Variants in CDKN2B-AS1 observed in about 807,000 individuals in gnomAD.
The protein encoded by CDKN2B-AS1 is CDKN2B antisense RNA 1 (non-protein coding).
At chr9:22,018,568 A>C (rs1194077693) in intron 1 of CDKN2B-AS1, among the ~76,000 whole-genome samples, 12 of 152,160 alleles carry the variant, frequency 7.9e-5, no homozygotes, top group Admixed American at 7.2e-4. Flanking sequence ...GAGGGAGGAG[A>C]ATCGCTTGAA....
intron 4 of CDKN2B-AS1, chr9:22,063,796 G>A (rs1208695630): frequency 4.6e-5 from 7 of 152,424 alleles, no homozygotes; most frequent in African/African-American, 1.7e-4. Flanking sequence ...AGAGTTTGGA[G>A]AGCAGACGTG....
At chr9:22,102,059 G>A (rs529884889) in intron 4 of CDKN2B-AS1, among the ~76,000 whole-genome samples, 1 of 152,238 alleles carries the variant, frequency 6.6e-6, no homozygotes, top group Non-Finnish European at 1.5e-5. Flanking sequence ...TGCCTGTTTG[G>A]TTTTTAAACC....
chr9:22,058,392 G>T (rs1226275148), intron 4 of CDKN2B-AS1: 1 of 152,104 alleles, frequency 6.6e-6, no homozygotes, highest in East Asian at 1.9e-4. Flanking sequence ...GATATCCAAA[G>T]CATGAAGGAC....
At chr9:22,078,883 C>A (rs1425446205) in intron 4 of CDKN2B-AS1, among the ~76,000 whole-genome samples, 1 of 152,160 alleles carries the variant, frequency 6.6e-6, no homozygotes, top group East Asian at 1.9e-4. Flanking sequence ...CATGTATGAT[C>A]TTCTTTTGGG....
chr9:22,072,707 T>C (rs180800062), intron 4 of CDKN2B-AS1, among the ~76,000 whole-genome samples: 1 of 152,296 alleles, frequency 6.6e-6, no homozygotes, highest in Admixed American at 6.5e-5. Context: ...AGAAGCAAAA[T>C]GCTAGGAGCA....
At chr9:22,048,855 C>A (rs1823217710) in intron 2 of CDKN2B-AS1, among the ~76,000 whole-genome samples, 1 of 152,122 alleles carries the variant, frequency 6.6e-6, no homozygotes. Flanking sequence ...TATTTAATGG[C>A]AAACTTAGTC....
Position 22,005,112 on chromosome 9 carries a change from ATGTGTGTGTGTGTG to A in CDKN2B-AS1, n.29+9968_29+9981del, listed in dbSNP as rs3028393. ...CATAAGGGGATTTCCGCATCCTAGCATGTGTGTGTGTGTGTGTGTGTGTGTGTGTGAAAGAAAAC... is the reference window on the plus strand; with the variant it reads ...CATAAGGGGATTTCCGCATCCTAGCATGTGTGTGTGTGTGTGAAAGAAAAC... On this transcript the variant is annotated intron_variant and non_coding_transcript_variant, in intron 1 of 4. Coordinates refer to ENST00000650946, the Ensembl canonical transcript of CDKN2B-AS1. This position sits in a 1 kb window ranked among gnomAD's most constrained non-coding sequence, Gnocchi z 4.9. 224 of 225,488 alleles carry A rather than the reference ATGTGTGTGTGTGTG, an allele frequency of 9.9e-4. 4 individuals are homozygous for A. In the East Asian group the frequency reaches 0.012, roughly 12 times the overall value. The allele number at this position is 225,488 out of a possible 1,614,324, so 14.0% of individuals were successfully genotyped here. A position where few individuals can be genotyped will look rare whatever the true frequency, so the allele number is the denominator to read the frequency against.
At chr9:22,013,009 T>C (rs1173695840) in intron 1 of CDKN2B-AS1, among the ~76,000 whole-genome samples, 5 of 152,246 alleles carry the variant, frequency 3.3e-5, no homozygotes, top group Admixed American at 2.6e-4. Context: ...ATTTATTTTC[T>C]CAGAGTTTTA....
In CDKN2B-AS1 at chr9:22,029,484, A is replaced by G. The variant is rs906096078; in HGVS notation, n.30-17267A>G. 5.1e-6 allele frequency: 4 copies of G among 779,524 alleles called. No homozygotes were observed. The African/African-American group carries it at 6.8e-5, about 13-fold the overall frequency. The allele number at this position is 779,524 out of a possible 1,614,324, so 48.3% of individuals were successfully genotyped here. A position where few individuals can be genotyped will look rare whatever the true frequency, so the allele number is the denominator to read the frequency against. Reference sequence around the variant, plus strand: ...ATTCCAAGAGAGAATATTGGTGTCCATGCTGTGATGATTCCTCAGCTCCTC... The same window carrying G: ...ATTCCAAGAGAGAATATTGGTGTCCGTGCTGTGATGATTCCTCAGCTCCTC... On this transcript the variant is annotated intron_variant and non_coding_transcript_variant, in intron 1 of 4. Transcript: ENST00000650946.
chr9:22,082,605 A>G (rs1371357688), intron 4 of CDKN2B-AS1, among the ~76,000 whole-genome samples: 1 of 152,332 alleles, frequency 6.6e-6, no homozygotes, highest in South Asian at 2.1e-4. Flanking sequence ...CTTTATTGCT[A>G]TCGGAGCTTA....
At chr9:22,099,549 T>C (rs988729324) in intron 4 of CDKN2B-AS1, among the ~76,000 whole-genome samples, 1 of 152,168 alleles carries the variant, frequency 6.6e-6, no homozygotes, top group Admixed American at 6.5e-5. Context: ...AATCTTACAA[T>C]CAATGGCATG....
intron 1 of CDKN2B-AS1, among the ~76,000 whole-genome samples, chr9:22,021,699 A>T (rs1242564721): frequency 1.3e-5 from 2 of 152,080 alleles, no homozygotes; most frequent in Admixed American, 6.6e-5. Context: ...GGGCTGAGAC[A>T]ATGGGGTCTT....
intron 1 of CDKN2B-AS1, among the ~76,000 whole-genome samples, chr9:22,025,125 C>G (rs1822177264): frequency 6.6e-6 from 1 of 152,212 alleles, no homozygotes; most frequent in African/African-American, 2.4e-5. Flanking sequence ...TGGCTTGCTG[C>G]TCTACCACTT....
chr9:22,060,829 A>G (rs1482861792), intron 4 of CDKN2B-AS1, among the ~76,000 whole-genome samples: 1 of 152,154 alleles, frequency 6.6e-6, no homozygotes, highest in East Asian at 1.9e-4. Flanking sequence ...GGAGGAAGCA[A>G]AAGTGGAAAC....
intron 1 of CDKN2B-AS1, among the ~76,000 whole-genome samples, chr9:22,034,766 G>A (rs1822617172): frequency 6.6e-6 from 1 of 152,086 alleles, no homozygotes; most frequent in Admixed American, 6.6e-5. Flanking sequence ...CATCTCTGCT[G>A]TTGTAATAAA....
At chr9:22,066,166 G>A (rs1824027375) in intron 4 of CDKN2B-AS1, 1 of 152,022 alleles carries the variant, frequency 6.6e-6, no homozygotes, top group South Asian at 2.1e-4. Flanking sequence ...TGTGGGTGAT[G>A]AAGAGCTGAA....
intron 4 of CDKN2B-AS1, among the ~76,000 whole-genome samples, chr9:22,071,002 A>C (rs1824264719): frequency 1.3e-5 from 2 of 152,110 alleles, no homozygotes; most frequent in African/African-American, 4.8e-5. Context: ...CAATGGGGGA[A>C]GATTAGGTCC....
At position 22,005,107 on chromosome 9, in the gene CDKN2B-AS1, C is replaced by T. The variant is rs796372483; in HGVS notation, n.29+9946C>T. 132 of 200,082 alleles carry T rather than the reference C, an allele frequency of 6.6e-4. No homozygotes were observed. Among genetic ancestry groups the T allele is most frequent in the African/African-American group, 3.4e-3 (118 of 34,252 alleles). 12.4% of individuals were successfully genotyped at this position (200,082 alleles called of 1,614,324 possible). On this transcript the variant is annotated intron_variant and non_coding_transcript_variant, in intron 1 of 4. Coordinates refer to ENST00000650946, the Ensembl canonical transcript of CDKN2B-AS1. This position sits in a 1 kb window ranked among gnomAD's most constrained non-coding sequence, Gnocchi z 4.9. Reference sequence around the variant, plus strand: ...CAAGTCATAAGGGGATTTCCGCATCCTAGCATGTGTGTGTGTGTGTGTGTG... The same window carrying T: ...CAAGTCATAAGGGGATTTCCGCATCTTAGCATGTGTGTGTGTGTGTGTGTG...
Position 22,001,127 on chromosome 9 carries a change from G to A in CDKN2B-AS1, n.29+5966G>A, listed in dbSNP as rs746802557. On this transcript the variant is annotated intron_variant and non_coding_transcript_variant, in intron 1 of 4. Coordinates refer to ENST00000650946, the Ensembl canonical transcript of CDKN2B-AS1. The surrounding 1 kb of genome is among the most constrained non-coding windows in gnomAD (Gnocchi z 4.2). ...GAGGTCACATAAGACAGGGTTCAGAGGAAGTAGCCCCAACAACATCATAAT... is the reference window on the plus strand; with the variant it reads ...GAGGTCACATAAGACAGGGTTCAGAAGAAGTAGCCCCAACAACATCATAAT... 2.0e-5 allele frequency among the ~76,000 whole-genome samples: 3 copies of A among 152,174 alleles called. No homozygotes were observed. The highest frequency in any genetic ancestry group is 6.6e-5 in the Admixed American group (1 of 15,266).
Sources: allele counts gnomAD v4.1 joint callset (sites outside exome capture counted in the v4.1 genomes callset), GRCh38; gene constraint gnomAD v4.1.1; non-coding constraint Gnocchi (gnomAD v3.1); transcripts MANE v1.5; gene names NCBI Gene and HGNC (gene_info 2026-07-23, HGNC 2026-07-21).